The following SETD3 variants were observed in gnomAD, a reference collection of about 807,000 sequenced individuals.
The protein encoded by SETD3 is actin-histidine N-methyltransferase.
Under a neutral mutation model 63.0 loss-of-function variants are expected in SETD3, and 19 were observed. The ratio of observed to expected loss-of-function variants is 0.30; its 90% CI spans 0.21 to 0.44. The LOEUF is 0.44. Among genes scored for constraint, SETD3 ranks in the 20% least tolerant of loss-of-function variants. The pLI, the probability that SETD3 is intolerant of heterozygous loss-of-function variation, is 1.00. For missense variants in SETD3, 587 were observed against 728.5 expected (o/e 0.81, Z 2.24); for synonymous variants, 286 against 264.1 (o/e 1.08, Z -0.80).
chr14:99,414,052 C>A (rs997205668), intron 6 of SETD3, 118 bp from the exon 7 acceptor site: 5 of 914,216 alleles, frequency 5.5e-6, no homozygotes, highest in Non-Finnish European at 8.8e-6. Flanking sequence ...CCAAATGAAG[C>A]AGGCGGCGTC....
At chr14:99,482,695 T>C (rs3918041), upstream of SETD3, among the ~76,000 whole-genome samples, 3,806 of 152,322 alleles carry the variant, frequency 0.025, 161 homozygotes, top group African/African-American at 0.086. Context: ...ATTTTGAAAA[T>C]GTAGTTTGCA....
At chr14:99,454,556 C>T (rs909018403) in intron 6 of SETD3, among the ~76,000 whole-genome samples, 2 of 152,064 alleles carry the variant, frequency 1.3e-5, no homozygotes, top group African/African-American at 2.4e-5. Context: ...AAAACAAAAC[C>T]AAATAACATG....
intron 1 of SETD3, among the ~76,000 whole-genome samples, chr14:99,480,503 C>A (rs867024475): frequency 6.6e-6 from 1 of 150,942 alleles, no homozygotes; most frequent in African/African-American, 2.4e-5. Flanking sequence ...GGCCGACCGG[C>A]GCCCTCCGAC....
Position 99,449,080 on chromosome 14 carries a change from A to G in SETD3, c.675+9199T>C, listed in dbSNP as rs1449548454. Among the ~76,000 whole-genome samples the G allele has an allele frequency of 2.6e-5, 4 of 152,332 alleles. No individual in the cohort carries two copies. The East Asian group carries it at 7.7e-4, about 29-fold the overall frequency. Reference sequence around the variant, plus strand: ...AGTCTATCAAATAAAATAAATATCCATGAGTCCATACCGATATGAACAGCT... The same window carrying G: ...AGTCTATCAAATAAAATAAATATCCGTGAGTCCATACCGATATGAACAGCT... On this transcript the variant is annotated intron_variant, in intron 6 of 12. Coordinates refer to ENST00000331768, the MANE Select transcript of SETD3 (RefSeq NM_032233.3).
In SETD3 at chr14:99,398,801, C is replaced by T. The variant is rs759234602; in HGVS notation, c.1663G>A (p.Gly555Ser). The T allele has an allele frequency of 2.1e-5, 34 of 1,614,168 alleles. No individual in the cohort carries two copies. Among genetic ancestry groups the T allele is most frequent in the Non-Finnish European group, 2.9e-5 (34 of 1,180,036 alleles). Reference sequence around the variant, plus strand: ...GTCCCATTAGGGATAGAGTTTTCACCGTTTACAAGCCCGTTTTCTGTGGCC... The same window carrying T: ...GTCCCATTAGGGATAGAGTTTTCACTGTTTACAAGCCCGTTTTCTGTGGCC... ...AKATENGLVN[G>S]ENSIPNGTRS... The change falls in exon 13 of 13, where the codon GGT becomes AGT. Residue 555 changes from glycine to serine, a missense_variant. Gly to Ser is a moderately conservative substitution (Grantham distance 56). Transcript: ENST00000331768.
chr14:99,477,872 A>G (rs1896056541), intron 1 of SETD3, among the ~76,000 whole-genome samples: 1 of 151,836 alleles, frequency 6.6e-6, no homozygotes, highest in Non-Finnish European at 1.5e-5. Context: ...TTCTATTTGC[A>G]TATCAAATTA....
chr14:99,462,842 GC>G (rs1463035965), intron 3 of SETD3, among the ~76,000 whole-genome samples: 25 of 152,100 alleles, frequency 1.6e-4, no homozygotes, highest in Admixed American at 1.6e-3. Flanking sequence ...ATAAGAAAGG[GC>G]CCCACATTCC....
intron 6 of SETD3, 22 bp downstream of exon 6, chr14:99,458,257 T>TA (rs769445785): frequency 3.7e-6 from 6 of 1,601,738 alleles, no homozygotes; most frequent in Non-Finnish European, 5.1e-6. Flanking sequence ...AATATATACT[T>TA]AAATTGCAAA....
intron 1 of SETD3, among the ~76,000 whole-genome samples, chr14:99,470,233 A>T (rs1895625045): frequency 6.6e-6 from 1 of 152,160 alleles, no homozygotes; most frequent in Non-Finnish European, 1.5e-5. Context: ...CTGTGGCATT[A>T]AGGGAAACTC....
chr14:99,399,943 T>C (rs966505873), intron 12 of SETD3, among the ~76,000 whole-genome samples, 156 bp downstream of exon 12: 3 of 152,050 alleles, frequency 2.0e-5, no homozygotes, highest in Non-Finnish European at 4.4e-5. Flanking sequence ...GGTTTCACCA[T>C]GTTGGCCAGG....
intron 6 of SETD3, among the ~76,000 whole-genome samples, chr14:99,442,659 T>C (rs1320074569): frequency 6.6e-6 from 1 of 152,234 alleles, no homozygotes; most frequent in Non-Finnish European, 1.5e-5. Context: ...TGTTTTCTTT[T>C]CTCCAGCTTA....
chr14:99,414,790 T>C (rs868685097), intron 6 of SETD3, among the ~76,000 whole-genome samples: 1 of 101,598 alleles, frequency 9.8e-6, no homozygotes, highest in South Asian at 3.0e-4. Context: ...GTCTGATAGA[T>C]TGTAGTAAGT....
At chr14:99,419,142 CAGATT>C (rs1208377649) in intron 6 of SETD3, among the ~76,000 whole-genome samples, 1 of 152,170 alleles carries the variant, frequency 6.6e-6, no homozygotes, top group East Asian at 1.9e-4. Flanking sequence ...TTTTTAAGCA[CAGATT>C]ATATCCAACT....
At chr14:99,409,986 G>A in intron 8 of SETD3, 2 of 442,150 alleles carry the variant, frequency 4.5e-6, no homozygotes, top group South Asian at 8.8e-5. Flanking sequence ...GAGGCGGGGG[G>A]GTGAACCAAC....
intron 7 of SETD3, 115 bp from the exon 8 acceptor site, chr14:99,413,180 C>T (rs2139643474): frequency 1.6e-6 from 1 of 632,288 alleles, no homozygotes; most frequent in Non-Finnish European, 2.8e-6. Flanking sequence ...AAGTCTTTTC[C>T]TAAGTAACAA....
At chr14:99,452,916 T>C (rs1894542737) in intron 6 of SETD3, among the ~76,000 whole-genome samples, 1 of 152,152 alleles carries the variant, frequency 6.6e-6, no homozygotes, top group Admixed American at 6.5e-5. Context: ...GAAAACTATT[T>C]TAAATGGGAA....
rs569993037 is a variant in SETD3, at chr14:99,480,046, C to G, written c.-9+682G>C. Among the ~76,000 whole-genome samples, 37 of 152,320 alleles carry G rather than the reference C, an allele frequency of 2.4e-4. No homozygotes were observed. The East Asian group carries it at 7.0e-3, about 29-fold the overall frequency. ...GACAAACTCTAAAGCACCGAATTGC[C>G]TCTCCCTAGTAGGGCACTGCGCGTG... On this transcript the variant is annotated intron_variant, in intron 1 of 12. Coordinates refer to ENST00000331768, the MANE Select transcript of SETD3 (RefSeq NM_032233.3).
intron 8 of SETD3, chr14:99,410,359 ATTTTTTTTTCAATAC>A (rs1891920276): frequency 8.5e-7 from 1 of 1,170,868 alleles, no homozygotes; most frequent in African/African-American, 1.6e-5. Context: ...AATGTTTTAG[ATTTTTTTTTCAATAC>A]ACAAACAGAA....
At chr14:99,459,066 T>C in intron 5 of SETD3, 47 bp downstream of exon 5, 1 of 1,418,232 alleles carries the variant, frequency 7.1e-7, no homozygotes, top group Non-Finnish European at 9.8e-7. Context: ...ATTTTACATA[T>C]TTTTGTCATT....
Sources: gnomAD v4.1 joint callset for allele counts (sites outside exome capture counted in the v4.1 genomes callset) on GRCh38, gnomAD v4.1.1 for gene constraint, MANE v1.5 for transcripts, NCBI Gene and HGNC (gene_info 2026-07-23, HGNC 2026-07-21) for gene names.